SMAP2: variants seen among roughly 807,000 people sequenced by gnomAD.
SMAP2 encodes stromal membrane-associated protein 2.
Under a neutral mutation model 56.4 loss-of-function variants are expected in SMAP2, and 25 were observed. That is an observed-to-expected ratio of 0.44 (90% CI 0.32 to 0.62). SMAP2 has a LOEUF of 0.62. Ranked by LOEUF, SMAP2 falls within the 20% of genes least tolerant of loss-of-function variation. The probability of loss-of-function intolerance (pLI) is 0.04; values close to 1 mark genes in which losing one functional copy is unlikely to be tolerated. For synonymous variants in SMAP2, 157 were observed against 181.7 expected (o/e 0.86, Z 1.09); for missense variants, 388 against 545.6 (o/e 0.71, Z 2.88).
At chr1:40,406,614 G>C (rs1482643319) in intron 1 of SMAP2, 122 bp from the exon 2 acceptor site, 13 of 1,051,704 alleles carry the variant, frequency 1.2e-5, no homozygotes, top group Non-Finnish European at 1.8e-5. Context: ...TCAATAAACA[G>C]GTGGTTATGG....
intron 1 of SMAP2, among the ~76,000 whole-genome samples, chr1:40,358,264 C>T (rs749109495): frequency 1.1e-4 from 16 of 152,038 alleles, no homozygotes; most frequent in Admixed American, 6.5e-4. Context: ...GATTTTTGGC[C>T]GGGTGCAGTG....
intron 4 of SMAP2, among the ~76,000 whole-genome samples, chr1:40,411,002 CTGTT>C (rs1459744811): frequency 6.6e-6 from 1 of 152,152 alleles, no homozygotes; most frequent in Non-Finnish European, 1.5e-5. Context: ...AGTGAAATCA[CTGTT>C]TGCACTGAGC....
chr1:40,400,517 A>G (rs1237052876), intron 1 of SMAP2, among the ~76,000 whole-genome samples: 2 of 152,126 alleles, frequency 1.3e-5, no homozygotes, highest in East Asian at 3.9e-4. Context: ...ATAGTGATAC[A>G]GATGGAGAGA....
intron 1 of SMAP2, among the ~76,000 whole-genome samples, chr1:40,394,266 G>T (rs1644748021): frequency 1.3e-5 from 2 of 152,082 alleles, no homozygotes; most frequent in African/African-American, 4.8e-5. Flanking sequence ...AATCACTAGG[G>T]ATTGGAAGGA....
chr1:40,356,295 A>G (rs1455251475), intron 1 of SMAP2, among the ~76,000 whole-genome samples: 1 of 152,228 alleles, frequency 6.6e-6, no homozygotes, highest in Non-Finnish European at 1.5e-5. Flanking sequence ...TAAACAGGAC[A>G]GTGCAGATAT....
intron 1 of SMAP2, among the ~76,000 whole-genome samples, chr1:40,403,207 T>TA (rs970319048): frequency 2.0e-5 from 3 of 152,144 alleles, no homozygotes; most frequent in Non-Finnish European, 4.4e-5. Flanking sequence ...TATTCCTTTT[T>TA]AAAAAAGAAG....
At position 40,374,114 on chromosome 1, in the gene SMAP2, C is replaced by T; in HGVS notation, c.-7C>T. On this transcript the variant is annotated 5_prime_UTR_variant, in exon 1 of 10. Coordinates refer to ENST00000372718, the MANE Select transcript of SMAP2 (RefSeq NM_022733.3). The surrounding 1 kb of genome is among the most constrained non-coding windows in gnomAD (Gnocchi z 5.9). ...CGTCGCCCTCTGCCCCCGCCGGCAC[C>T]CTGGCCATGACAGGCAAGTCGGTGA... The T allele has an allele frequency of 6.2e-7, 1 of 1,609,740 alleles. No individual in the cohort carries two copies. The highest frequency in any genetic ancestry group is 8.5e-7 in the Non-Finnish European group (1 of 1,177,894).
At chr1:40,420,589 T>C (rs1645032845) in intron 9 of SMAP2, among the ~76,000 whole-genome samples, 1 of 152,230 alleles carries the variant, frequency 6.6e-6, no homozygotes, top group African/African-American at 2.4e-5. Flanking sequence ...AGATTATTTA[T>C]TAATTATAAT....
intron 1 of SMAP2, among the ~76,000 whole-genome samples, chr1:40,398,044 G>A (rs973492150): frequency 1.3e-5 from 2 of 152,074 alleles, no homozygotes; most frequent in African/African-American, 4.8e-5. Context: ...GGATGCTTAC[G>A]TTGTTTTGTT....
At chr1:40,412,651 A>G (rs1644947403) in intron 4 of SMAP2, among the ~76,000 whole-genome samples, 1 of 152,206 alleles carries the variant, frequency 6.6e-6, no homozygotes, top group Non-Finnish European at 1.5e-5. Context: ...ATTCACTAGT[A>G]TACTGATATG....
intron 9 of SMAP2, 104 bp downstream of exon 9, chr1:40,417,200 G>T: frequency 8.6e-5 from 52 of 604,416 alleles, no homozygotes; most frequent in Middle Eastern, 3.5e-4. Context: ...ATGTAGATGA[G>T]ATAATGTAAG....
intron 1 of SMAP2, among the ~76,000 whole-genome samples, chr1:40,358,876 A>G (rs1345975602): frequency 2.0e-5 from 3 of 152,148 alleles, no homozygotes; most frequent in African/African-American, 7.2e-5. Context: ...AGCTCTAATA[A>G]TATTTCCTTT....
In SMAP2 at chr1:40,373,966, G is replaced by T. The variant is rs566341637; in HGVS notation, c.-155G>T. ...AGTGGGGGACGGACGCCCCCGACCC[G>T]GGAAGGGGCGTCCGGCGGGGCCGGA... On this transcript the variant is annotated 5_prime_UTR_variant, in exon 1 of 10. Coordinates refer to ENST00000372718, the MANE Select transcript of SMAP2 (RefSeq NM_022733.3). The T allele has an allele frequency of 1.7e-6, 1 of 596,248 alleles. No individual in the cohort carries two copies. The highest frequency in any genetic ancestry group is 3.0e-6 in the Non-Finnish European group (1 of 333,600). The allele number at this position is 596,248 out of a possible 1,614,324, so 36.9% of individuals were successfully genotyped here.
rs192640399 is a variant in SMAP2, at chr1:40,359,776, G to A, written c.-82-2524G>A. Among the ~76,000 whole-genome samples, 443 of 151,916 alleles carry A rather than the reference G, an allele frequency of 2.9e-3. 1 individual carries two copies. The highest frequency in any genetic ancestry group is 9.6e-3 in the African/African-American group (398 of 41,430). On this transcript the variant is annotated intron_variant, in intron 1 of 6. Transcript: ENST00000435168. ...CTGATGACAACTTAACACTGATTGC[G>A]TAAACAGACAAGCAAAGAAAAAAAC...
At chr1:40,398,976 A>G (rs1463769533) in intron 1 of SMAP2, among the ~76,000 whole-genome samples, 3 of 152,156 alleles carry the variant, frequency 2.0e-5, no homozygotes. Flanking sequence ...GATAGTAACA[A>G]AATATGGTAT....
intron 1 of SMAP2, among the ~76,000 whole-genome samples, chr1:40,380,750 G>C (rs209582): frequency 0.28 from 42,760 of 151,902 alleles, 7,014 homozygotes; most frequent in Non-Finnish European, 0.38. Flanking sequence ...GGCTGGTCTC[G>C]AACTCCTGAC....
intron 1 of SMAP2, among the ~76,000 whole-genome samples, chr1:40,377,073 T>G (rs1644547659): frequency 6.6e-6 from 1 of 152,006 alleles, no homozygotes; most frequent in Non-Finnish European, 1.5e-5. Context: ...ATCACTTGAG[T>G]CCAGGAGTTC....
At chr1:40,363,072 G>A (rs1465626367) in intron 2 of SMAP2, among the ~76,000 whole-genome samples, 1 of 151,692 alleles carries the variant, frequency 6.6e-6, no homozygotes, top group African/African-American at 2.4e-5. Flanking sequence ...ATTGACTCCA[G>A]GAAAAACAAA....
At chr1:40,414,643 A>T (rs1290576881) in intron 6 of SMAP2, among the ~76,000 whole-genome samples, 1 of 152,226 alleles carries the variant, frequency 6.6e-6, no homozygotes, top group Non-Finnish European at 1.5e-5. Context: ...TGCCTGGCAC[A>T]TACTGAGCCC....
Sources: allele counts gnomAD v4.1 joint callset (sites outside exome capture counted in the v4.1 genomes callset), GRCh38; gene constraint gnomAD v4.1.1; non-coding constraint Gnocchi (gnomAD v3.1); transcripts MANE v1.5; gene names NCBI Gene and HGNC (gene_info 2026-07-23, HGNC 2026-07-21).